Variants in DST observed in about 807,000 individuals in gnomAD.
DST encodes bullous pemphigoid antigen.
DST carries 253 observed loss-of-function variants against 875.2 expected under a neutral mutation model. The observed-to-expected ratio is 0.29, with a 90% CI of 0.26 to 0.32. The LOEUF is 0.32. Among genes scored for constraint, DST ranks in the 10% least tolerant of loss-of-function variants. The pLI is 1.00. For synonymous variants in DST, 3,124 were observed against 3,197.1 expected (o/e 0.98, Z 0.77); for missense variants, 8,287 against 9,111.6 (o/e 0.91, Z 3.68).
At chr6:56,864,033 G>A (rs1287089748) in intron 3 of DST, 1 of 152,234 alleles carries the variant, frequency 6.6e-6, no homozygotes, top group Non-Finnish European at 1.5e-5. Flanking sequence ...ATTTTTAAAT[G>A]TGATTAACAT....
chr6:56,704,255 A>G (rs768748237), intron 6 of DST, 25 bp downstream of exon 6: 7 of 1,243,476 alleles, frequency 5.6e-6, no homozygotes, highest in Non-Finnish European at 7.9e-6. Context: ...GTTCTTCAAA[A>G]TAAAATAAGA....
rs566639119 is a variant in DST at position 56,817,122 on chromosome 6, T to A, written c.625+34275A>T. Among the ~76,000 whole-genome samples the A allele has an allele frequency of 1.2e-4, 18 of 148,848 alleles. No individual in the cohort carries two copies. In the South Asian group the frequency reaches 1.9e-3, roughly 16 times the overall value. ...ACACACACACACAAAGTAAATTAAA[T>A]TTTTTTTTTAATGAGGAGGGAAAAA... On this transcript the variant is annotated intron_variant, in intron 4 of 103. Transcript: ENST00000680361.
intron 3 of DST, among the ~76,000 whole-genome samples, chr6:56,890,504 T>C (rs116568851): frequency 9.8e-5 from 15 of 152,324 alleles, no homozygotes; most frequent in African/African-American, 3.4e-4. Flanking sequence ...TCCAAATACA[T>C]ATGTACTGAG....
chr6:56,472,668 A>C (rs1167812423), intron 93 of DST, among the ~76,000 whole-genome samples: 1 of 152,220 alleles, frequency 6.6e-6, no homozygotes, highest in Admixed American at 6.5e-5. Context: ...GGCAGCAGGC[A>C]CTGGGCAGTC....
At chr6:56,938,682 CA>C (rs1814580816) in intron 2 of DST, among the ~76,000 whole-genome samples, 1 of 152,150 alleles carries the variant, frequency 6.6e-6, no homozygotes, top group African/African-American at 2.4e-5. Flanking sequence ...TTGCTTTGGC[CA>C]AAACAATGTG....
intron 10 of DST, among the ~76,000 whole-genome samples, chr6:56,670,040 G>A (rs1418277505): frequency 2.0e-5 from 3 of 151,910 alleles, no homozygotes; most frequent in African/African-American, 7.3e-5. Flanking sequence ...TTCAAACTCA[G>A]CAGTTCTTTA....
intron 5 of DST, among the ~76,000 whole-genome samples, chr6:56,708,584 AAT>A (rs2099350370): frequency 6.6e-6 from 1 of 152,244 alleles, no homozygotes; most frequent in African/African-American, 2.4e-5. Flanking sequence ...CACTAACAAT[AAT>A]AAACAAAAAC....
intron 4 of DST, among the ~76,000 whole-genome samples, chr6:56,775,744 A>T (rs998115428): frequency 6.6e-6 from 1 of 152,260 alleles, no homozygotes; most frequent in African/African-American, 2.4e-5. Flanking sequence ...CCAAAGCTGG[A>T]ATAATTTGAG....
chr6:56,731,380 G>A (rs2099497702), intron 5 of DST, among the ~76,000 whole-genome samples: 2 of 152,178 alleles, frequency 1.3e-5, no homozygotes, highest in South Asian at 4.1e-4. Flanking sequence ...GCCTGGCCCA[G>A]AATTGTTTTC....
chr6:56,919,093 G>GT (rs1251579403), intron 2 of DST, among the ~76,000 whole-genome samples: 3 of 151,892 alleles, frequency 2.0e-5, no homozygotes, highest in Non-Finnish European at 2.9e-5. Flanking sequence ...GATTTGAGAA[G>GT]TTTTTTATAT....
chr6:56,648,128 G>GT (rs1169903836), intron 13 of DST, among the ~76,000 whole-genome samples: 2 of 152,170 alleles, frequency 1.3e-5, no homozygotes, highest in Non-Finnish European at 2.9e-5. Context: ...GAAATACTGT[G>GT]TACCTCTTCC....
chr6:56,526,204 G>A (rs1438672121), intron 69 of DST, among the ~76,000 whole-genome samples, 157 bp downstream of exon 69: 4 of 152,168 alleles, frequency 2.6e-5, no homozygotes, highest in Admixed American at 6.5e-5. Flanking sequence ...CTCAGACGTC[G>A]AAGAAGCCCA....
At chr6:56,708,461 C>T (rs999461459) in intron 5 of DST, among the ~76,000 whole-genome samples, 3 of 151,390 alleles carry the variant, frequency 2.0e-5, no homozygotes, top group Non-Finnish European at 2.9e-5. Context: ...CTGGCTATCC[C>T]CAATACTGCC....
intron 93 of DST, 109 bp downstream of exon 93, chr6:56,473,764 A>T: frequency 3.0e-6 from 3 of 983,984 alleles, no homozygotes; most frequent in Non-Finnish European, 4.5e-6. Flanking sequence ...TCATGATATC[A>T]AGTGCTCATG....
At chr6:56,523,066 T>A (rs1368112738) in intron 69 of DST, among the ~76,000 whole-genome samples, 1 of 152,128 alleles carries the variant, frequency 6.6e-6, no homozygotes, top group Non-Finnish European at 1.5e-5. Context: ...CAGCTCAACA[T>A]CATTATTTAC....
chr6:56,892,617 C>G (rs572958438), intron 3 of DST, among the ~76,000 whole-genome samples: 1 of 152,282 alleles, frequency 6.6e-6, no homozygotes, highest in African/African-American at 2.4e-5. Context: ...TGAGCCGCCA[C>G]GCCCAGCACT....
At chr6:56,704,432 C>A (rs1288794329) in intron 5 of DST, 63 bp from the exon 6 acceptor site, 2 of 725,914 alleles carry the variant, frequency 2.8e-6, no homozygotes, top group Non-Finnish European at 4.5e-6. Context: ...CATTCTTAAA[C>A]ATAAAAAGGA....
intron 22 of DST, among the ~76,000 whole-genome samples, chr6:56,637,993 A>T (rs2098842736): frequency 6.6e-6 from 1 of 152,198 alleles, no homozygotes; most frequent in Non-Finnish European, 1.5e-5. Flanking sequence ...ATAAAATATG[A>T]AACAGTATTG....
intron 3 of DST, among the ~76,000 whole-genome samples, chr6:56,886,265 G>A (rs1784634262): frequency 6.6e-6 from 1 of 152,140 alleles, no homozygotes; most frequent in Admixed American, 6.6e-5. Flanking sequence ...ATAAACACAG[G>A]AGACAACAGA....
Sources: gnomAD v4.1 joint callset for allele counts (sites outside exome capture counted in the v4.1 genomes callset) on GRCh38, gnomAD v4.1.1 for gene constraint, MANE v1.5 for transcripts, NCBI Gene and HGNC (gene_info 2026-07-23, HGNC 2026-07-21) for gene names.